Variants in NPAS3 observed in about 807,000 individuals in gnomAD.
NPAS3 encodes the protein neuronal PAS domain-containing protein 3.
In NPAS3, 14 loss-of-function variants were observed where a neutral mutation model predicts 73.1. That is an observed-to-expected ratio of 0.19 (90% CI 0.13 to 0.30). The LOEUF is 0.30. Ranked by LOEUF, NPAS3 falls within the 10% of genes least tolerant of loss-of-function variation. The pLI is 1.00. For synonymous variants in NPAS3, 620 were observed against 541.5 expected, an observed-to-expected ratio of 1.14 and a Z score of -2.01; for missense variants, 1,096 against 1,250.0, an observed-to-expected ratio of 0.88 and a Z score of 1.86.
At chr14:33,102,907 T>G in intron 2 of NPAS3, among the ~76,000 whole-genome samples, 1 of 152,312 alleles carries the variant, frequency 6.6e-6, no homozygotes, top group Non-Finnish European at 1.5e-5. Flanking sequence ...TCCACTTTTT[T>G]ATTTGTGTTA....
chr14:33,724,591 C>G (rs2061211421), intron 6 of NPAS3, among the ~76,000 whole-genome samples: 1 of 152,128 alleles, frequency 6.6e-6, no homozygotes, highest in African/African-American at 2.4e-5. Flanking sequence ...TGTGATTGTA[C>G]CACTGCACTC....
intron 2 of NPAS3, among the ~76,000 whole-genome samples, chr14:33,191,730 A>G (rs983671294): frequency 6.6e-6 from 1 of 152,246 alleles, no homozygotes; most frequent in Non-Finnish European, 1.5e-5. Context: ...GGAAGGCTTC[A>G]ATTAACTCCA....
chr14:33,334,848 G>A (rs12586361), intron 3 of NPAS3, among the ~76,000 whole-genome samples: 7,356 of 152,134 alleles, frequency 0.048, 464 homozygotes, highest in East Asian at 0.22. Flanking sequence ...TTTCCCCACA[G>A]TTCAATGTAT....
At chr14:33,501,730 AG>A (rs2052528912) in intron 4 of NPAS3, among the ~76,000 whole-genome samples, 1 of 151,602 alleles carries the variant, frequency 6.6e-6, no homozygotes, top group African/African-American at 2.4e-5. Flanking sequence ...CCTTAGCAGC[AG>A]GTATAGCCTG....
At chr14:33,203,852 T>C (rs991374685) in intron 2 of NPAS3, among the ~76,000 whole-genome samples, 4 of 152,208 alleles carry the variant, frequency 2.6e-5, no homozygotes, top group African/African-American at 9.6e-5. Flanking sequence ...ATGGGATGGC[T>C]GGGTCAAATG....
At chr14:33,711,067 C>T (rs2060805081) in intron 6 of NPAS3, among the ~76,000 whole-genome samples, 1 of 152,222 alleles carries the variant, frequency 6.6e-6, no homozygotes, top group East Asian at 1.9e-4. Context: ...GACTGAAGCC[C>T]GTCTACTATT....
intron 4 of NPAS3, among the ~76,000 whole-genome samples, chr14:33,465,383 G>A (rs1484363328): frequency 6.6e-6 from 1 of 152,154 alleles, no homozygotes; most frequent in African/African-American, 2.4e-5. Context: ...AGTTTAAAAT[G>A]TAACTACTGT....
At chr14:33,602,618 G>A (rs779366290) in intron 5 of NPAS3, among the ~76,000 whole-genome samples, 2 of 152,170 alleles carry the variant, frequency 1.3e-5, no homozygotes, top group Non-Finnish European at 2.9e-5. Flanking sequence ...TCTTCTATAT[G>A]TGAGTAAAGT....
intron 1 of NPAS3, among the ~76,000 whole-genome samples, chr14:32,960,927 C>T (rs572319489): frequency 6.6e-6 from 1 of 152,282 alleles, no homozygotes; most frequent in East Asian, 1.9e-4. Context: ...GTTCACTAAC[C>T]TCTGGAAGTA....
At chr14:33,772,856 T>C (rs1222365997) in intron 7 of NPAS3, among the ~76,000 whole-genome samples, 2 of 152,154 alleles carry the variant, frequency 1.3e-5, no homozygotes, top group Admixed American at 6.5e-5. Context: ...AGTATGAATT[T>C]AGTCAACTTC....
At chr14:33,375,286 G>T (rs768455398) in intron 4 of NPAS3, among the ~76,000 whole-genome samples, 1 of 152,162 alleles carries the variant, frequency 6.6e-6, no homozygotes, top group Non-Finnish European at 1.5e-5. Flanking sequence ...ATTTGCATAT[G>T]CAAATTAGCT....
At chr14:33,578,318 T>C in intron 5 of NPAS3, 1 of 435,062 alleles carries the variant, frequency 2.3e-6, no homozygotes, top group Non-Finnish European at 4.6e-6. Context: ...CTCAGCCTCC[T>C]GAGTAGCTGG....
At chr14:33,689,702 A>C (rs1008862410) in intron 6 of NPAS3, among the ~76,000 whole-genome samples, 2 of 152,076 alleles carry the variant, frequency 1.3e-5, no homozygotes, top group African/African-American at 4.8e-5. Flanking sequence ...CTGATAATTT[A>C]CCTCTCCCTA....
At chr14:32,997,356 G>T (rs1222555262) in intron 1 of NPAS3, among the ~76,000 whole-genome samples, 1 of 152,148 alleles carries the variant, frequency 6.6e-6, no homozygotes. Context: ...GACTTTGGGG[G>T]ACTATTGGGA....
At chr14:33,765,148 G>A (rs747435072) in intron 7 of NPAS3, among the ~76,000 whole-genome samples, 28 of 152,242 alleles carry the variant, frequency 1.8e-4, no homozygotes, top group Non-Finnish European at 2.6e-4. Context: ...TTTATGCTAC[G>A]TATGTGAAGT....
intron 5 of NPAS3, among the ~76,000 whole-genome samples, chr14:33,660,565 A>C (rs1043800500): frequency 1.1e-4 from 16 of 152,240 alleles, no homozygotes; most frequent in African/African-American, 3.1e-4. Context: ...TAAAAACACA[A>C]ATACTTTAAG....
chr14:33,059,957 T>G (rs147512122), intron 2 of NPAS3, among the ~76,000 whole-genome samples: 1 of 152,118 alleles, frequency 6.6e-6, no homozygotes, highest in East Asian at 1.9e-4. Flanking sequence ...TTTTGTTTTG[T>G]TTTTAGTAGA....
chr14:32,953,723 A>T (rs1309672698), intron 1 of NPAS3, among the ~76,000 whole-genome samples: 1 of 152,150 alleles, frequency 6.6e-6, no homozygotes, highest in East Asian at 1.9e-4. Context: ...TAAGGTAATT[A>T]TCTGAGCCCC....
chr14:33,504,643 A>G (rs1014936012), intron 4 of NPAS3, among the ~76,000 whole-genome samples: 4 of 152,158 alleles, frequency 2.6e-5, no homozygotes, highest in Middle Eastern at 3.4e-3. Flanking sequence ...TTCCCTATTC[A>G]GAGTTGCATC....
Sources: allele counts gnomAD v4.1 joint callset (sites outside exome capture counted in the v4.1 genomes callset), GRCh38; gene constraint gnomAD v4.1.1; transcripts MANE v1.5; gene names NCBI Gene and HGNC (gene_info 2026-07-23, HGNC 2026-07-21).